Variants in ARHGEF4 observed in about 807,000 individuals in gnomAD.
ARHGEF4 encodes the protein APC-stimulated guanine nucleotide exchange factor 1.
A neutral mutation model predicts 162.0 loss-of-function variants in ARHGEF4; 119 were observed. The observed-to-expected ratio is 0.73, with a 90% confidence interval of 0.63 to 0.86. ARHGEF4 has a LOEUF of 0.86. Ranked by LOEUF, ARHGEF4 falls within the 40% of genes least tolerant of loss-of-function variation. The pLI is 0.00. For synonymous variants in ARHGEF4, 1,014 were observed against 979.9 expected, an observed-to-expected ratio of 1.03 and a Z score of -0.65; for missense variants, 2,488 against 2,456.0, an observed-to-expected ratio of 1.01 and a Z score of -0.28.
intron 3 of ARHGEF4, among the ~76,000 whole-genome samples, chr2:130,940,552 T>C (rs906241892): frequency 3.3e-5 from 5 of 150,188 alleles, no homozygotes; most frequent in African/African-American, 4.9e-5. Flanking sequence ...TGAAAATTCA[T>C]GGAGTAGGCC....
rs756877655 is a variant in ARHGEF4, at chr2:130,946,562, A to C, written c.3912A>C (p.Arg1304Ser). The C allele has an allele frequency of 1.1e-5, 17 of 1,613,952 alleles. No individual in the cohort carries two copies. The highest frequency in any genetic ancestry group is 5.0e-5 in the Admixed American group (3 of 60,008). The change falls in exon 4 of 14, where the codon AGA becomes AGC. Residue 1304 changes from arginine (R) to serine (S), a missense_variant. Arg to Ser is a moderately radical substitution (Grantham distance 110). This residue lies in a region of ARHGEF4 where 1,642 missense variants were observed against 1,481.5 expected (regional missense o/e 1.11). Transcript: ENST00000409359. The stretch of plus-strand genomic sequence containing the variant: ...CAGAGTCTTTGAATCTCCCTAGAAG[A>C]AGCCATCCACTCTCCCAGAGTGCTC... ...TSPESLNLPR[R>S]SHPLSQSAPT...
chr2:131,045,816 C>T (rs1246381626), intron 13 of ARHGEF4: 18 of 1,431,678 alleles, frequency 1.3e-5, no homozygotes, highest in East Asian at 2.5e-5. Flanking sequence ...AGGCCACCCC[C>T]CTCTTCAGGC....
rs200864835 is a variant in ARHGEF4, at chr2:130,916,905, C to G, written c.2959C>G (p.His987Asp). 7.2e-5 allele frequency: 112 copies of G among 1,550,470 alleles called. 1 individual carries two copies. Among genetic ancestry groups the G allele is most frequent in the Non-Finnish European group, 9.5e-5 (109 of 1,147,006 alleles). Residue 987 changes from histidine to aspartate, a missense_variant, in exon 2 of 14, where the codon CAC becomes GAC. By Grantham distance (81) the His-to-Asp change is moderately conservative. Transcript: ENST00000409359. ...EVLSPAETDS[H>D]CEERAEDKEG... is the part of the protein sequence containing the mutation. ...TCTCTCCCCAGCAGAGACCGACAGCCACTGTGAGGAACGGGCGGAGGACAA... is the reference window on the plus strand; with the variant it reads ...TCTCTCCCCAGCAGAGACCGACAGCGACTGTGAGGAACGGGCGGAGGACAA...
At chr2:130,872,990 G>C (rs926900894) in intron 1 of ARHGEF4, among the ~76,000 whole-genome samples, 2 of 152,166 alleles carry the variant, frequency 1.3e-5, no homozygotes, top group Admixed American at 6.5e-5. Context: ...CACACCTTTA[G>C]AGGCTGCAAG....
chr2:130,871,258 G>GGGC (rs1465274381), intron 1 of ARHGEF4, among the ~76,000 whole-genome samples: 1 of 152,164 alleles, frequency 6.6e-6, no homozygotes, highest in African/African-American at 2.4e-5. Context: ...CAAAGAGGCT[G>GGGC]GGCGCAGTGG....
chr2:130,875,175 G>A (rs1165016647), intron 1 of ARHGEF4, among the ~76,000 whole-genome samples: 1 of 152,000 alleles, frequency 6.6e-6, no homozygotes, highest in Non-Finnish European at 1.5e-5. Flanking sequence ...TCTTGTGGCT[G>A]TCCCTTAGGG....
At chr2:130,847,019 G>A (rs1681027853) in intron 1 of ARHGEF4, among the ~76,000 whole-genome samples, 1 of 152,234 alleles carries the variant, frequency 6.6e-6, no homozygotes, top group Admixed American at 6.5e-5. Context: ...GAGGAGGCCT[G>A]AGCAGGTCTT....
chr2:130,920,704 G>A (rs1338663231), intron 2 of ARHGEF4, among the ~76,000 whole-genome samples: 1 of 152,176 alleles, frequency 6.6e-6, no homozygotes, highest in Non-Finnish European at 1.5e-5. Context: ...TCGTATTAAG[G>A]AGCAGCAGTT....
chr2:130,981,708 C>T (rs1686134577), intron 4 of ARHGEF4, among the ~76,000 whole-genome samples: 2 of 151,552 alleles, frequency 1.3e-5, no homozygotes, highest in African/African-American at 4.9e-5. Flanking sequence ...GGAAACAGAC[C>T]CCCCATTCTT....
chr2:130,908,654 C>T (rs1017430519), intron 1 of ARHGEF4, among the ~76,000 whole-genome samples: 5 of 151,522 alleles, frequency 3.3e-5, no homozygotes, highest in Admixed American at 6.6e-5. Flanking sequence ...CCAGCCCAGG[C>T]GACAGTGCGA....
At chr2:130,975,781 A>G (rs1233298203) in intron 4 of ARHGEF4, among the ~76,000 whole-genome samples, 1 of 152,146 alleles carries the variant, frequency 6.6e-6, no homozygotes, top group African/African-American at 2.4e-5. Context: ...ATTTTAAAAC[A>G]TGAACTGCTC....
intron 1 of ARHGEF4, among the ~76,000 whole-genome samples, chr2:130,901,679 C>G (rs1680498749): frequency 6.6e-6 from 1 of 152,096 alleles, no homozygotes; most frequent in Non-Finnish European, 1.5e-5. Flanking sequence ...TGCCACCACA[C>G]CCGGCTAATT....
intron 4 of ARHGEF4, among the ~76,000 whole-genome samples, chr2:130,966,660 G>A (rs900964133): frequency 1.3e-5 from 2 of 152,216 alleles, no homozygotes; most frequent in Non-Finnish European, 2.9e-5. Flanking sequence ...CAGCGAGGAC[G>A]GGCAGCATGC....
chr2:130,915,202 C>A lies in ARHGEF4; in HGVS notation c.1256C>A (p.Pro419His). The A allele has an allele frequency of 6.4e-7, 1 of 1,550,626 alleles. No individual in the cohort carries two copies. Among genetic ancestry groups the A allele is most frequent in the Non-Finnish European group, 8.7e-7 (1 of 1,147,012 alleles). The change falls in exon 2 of 14, where the codon CCT (proline) becomes CAT (histidine). Residue 419 changes from proline to histidine, a missense_variant. By Grantham distance (77) the Pro-to-His change is moderately conservative. Transcript: ENST00000409359. ...TTGCAAAGGGCCTCTCAGGACACTC[C>A]TTCTGCAGGTCTCCTGGGGGAAAAC... ...FRLQRASQDT[P>H]SAGLLGENQL...
rs141825581 is a variant in ARHGEF4, at chr2:130,999,984, C to T, written c.3986-27961C>T. ...GCCTCGGCCTCCCAAAATGGGATTA[C>T]AGGCGTAAGCCACCACTCCCAGCCA... is the stretch of plus-strand genomic sequence containing the variant. On this transcript the variant is annotated intron_variant, in intron 4 of 13. Transcript: ENST00000409359. Among the ~76,000 whole-genome samples, 8 of 152,362 alleles carry T rather than the reference C, an allele frequency of 5.3e-5. No homozygotes were observed. The East Asian group carries it at 1.5e-3, about 29-fold the overall frequency.
At chr2:130,987,051 G>A (rs1221493157) in intron 4 of ARHGEF4, among the ~76,000 whole-genome samples, 1 of 152,218 alleles carries the variant, frequency 6.6e-6, no homozygotes. Flanking sequence ...CTTGAGTGCT[G>A]GGAAGCACAG....
rs377562058 is a variant in ARHGEF4 at position 130,873,689 on chromosome 2, G to A, written c.39+36697G>A. 1.8e-4 allele frequency among the ~76,000 whole-genome samples: 27 copies of A among 152,198 alleles called. 1 individual carries two copies. Among genetic ancestry groups the A allele is most frequent in the African/African-American group, 3.9e-4 (16 of 41,522 alleles). ...TGTCTAATTCCAGTTAGTGGCTAGC[G>A]GCTTCTTTTTAGAATACCAAGCTGC... On this transcript the variant is annotated intron_variant, in intron 1 of 13. Transcript: ENST00000409359.
At position 131,041,430 on chromosome 2, in the gene ARHGEF4, C is replaced by T. The variant is rs374604987; in HGVS notation, c.4863C>T (p.Ala1621=). Residue 1621 remains alanine, a synonymous_variant, in exon 9 of 14, where the codon GCC becomes GCT. Transcript: ENST00000409359. ...TCTGCAAGTACCCTCTGCAGCTGGCCGAGCTGCTCAAATACACGCACCCCC... is the reference window on the plus strand; with the variant it reads ...TCTGCAAGTACCCTCTGCAGCTGGCTGAGCTGCTCAAATACACGCACCCCC... The part of the protein sequence containing the change: ...QKICKYPLQL[A]ELLKYTHPQH... 6.1e-5 allele frequency: 98 copies of T among 1,612,894 alleles called. 1 individual carries two copies. The Admixed American group carries it at 7.8e-4, about 13-fold the overall frequency.
At chr2:130,897,953 T>G (rs1680257263) in intron 1 of ARHGEF4, among the ~76,000 whole-genome samples, 1 of 152,190 alleles carries the variant, frequency 6.6e-6, no homozygotes, top group Non-Finnish European at 1.5e-5. Flanking sequence ...CATTTGCTTT[T>G]TAGGTTTAAG....
Sources: allele counts gnomAD v4.1 joint callset (sites outside exome capture counted in the v4.1 genomes callset), GRCh38; gene constraint gnomAD v4.1.1; regional missense constraint gnomAD v4.1.1; transcripts MANE v1.5; gene names NCBI Gene and HGNC (gene_info 2026-07-23, HGNC 2026-07-21).